The following RAD54L2 variants were observed in gnomAD, a reference collection of about 807,000 sequenced individuals.
The protein encoded by RAD54L2 is helicase ARIP4.
Under a neutral mutation model 138.4 loss-of-function variants are expected in RAD54L2, and 27 were observed. The ratio of observed to expected loss-of-function variants is 0.20; its 90% CI spans 0.14 to 0.27. RAD54L2 has a LOEUF of 0.27. RAD54L2 is among the 10% of genes least tolerant of loss of function. The pLI is 1.00. For missense variants in RAD54L2, 1,396 were observed against 1,890.2 expected (o/e 0.74, Z 4.85); for synonymous variants, 644 against 723.2 (o/e 0.89, Z 1.76).
chr3:51,545,431 C>T (rs556962171), intron 2 of RAD54L2, among the ~76,000 whole-genome samples: 4 of 151,700 alleles, frequency 2.6e-5, no homozygotes, highest in South Asian at 2.1e-4. Context: ...ACCTTGTGAT[C>T]CACCTGCCTC....
At chr3:51,539,018 C>T (rs953145854) in intron 1 of RAD54L2, among the ~76,000 whole-genome samples, 103 bp downstream of exon 1, 1 of 152,154 alleles carries the variant, frequency 6.6e-6, no homozygotes, top group Admixed American at 6.5e-5. Flanking sequence ...CATGCAGTGG[C>T]TCGGGGCAGC....
chr3:51,616,979 A>G (rs1191318994), intron 3 of RAD54L2, among the ~76,000 whole-genome samples: 1 of 152,222 alleles, frequency 6.6e-6, no homozygotes, highest in Non-Finnish European at 1.5e-5. Flanking sequence ...AAATTATACA[A>G]TACATATTCT....
At chr3:51,615,176 G>T (rs1255004827) in intron 3 of RAD54L2, among the ~76,000 whole-genome samples, 2 of 152,012 alleles carry the variant, frequency 1.3e-5, no homozygotes, top group Non-Finnish European at 2.9e-5. Context: ...ACCATGCCTG[G>T]CTAATTTTTT....
At chr3:51,660,996 C>T (rs927979728) in intron 22 of RAD54L2, among the ~76,000 whole-genome samples, 2 of 152,088 alleles carry the variant, frequency 1.3e-5, no homozygotes, top group South Asian at 4.1e-4. Flanking sequence ...TTCTGTCACC[C>T]AGGCTGGAGT....
chr3:51,647,739 C>G (rs1447374661), intron 19 of RAD54L2, among the ~76,000 whole-genome samples: 1 of 152,108 alleles, frequency 6.6e-6, no homozygotes, highest in Non-Finnish European at 1.5e-5. Context: ...TCTTGAACTC[C>G]TGGGCTCAAG....
intron 2 of RAD54L2, among the ~76,000 whole-genome samples, chr3:51,585,813 T>C (rs1699695866): frequency 6.6e-6 from 1 of 152,160 alleles, no homozygotes; most frequent in Non-Finnish European, 1.5e-5. Flanking sequence ...TAGCTAGTTC[T>C]CCAGTTTCAT....
chr3:51,559,643 C>T (rs563435447), intron 2 of RAD54L2, among the ~76,000 whole-genome samples: 5 of 152,276 alleles, frequency 3.3e-5, no homozygotes, highest in South Asian at 4.1e-4. Context: ...CTGGGCTTGG[C>T]GCCAAATTTT....
Position 51,645,067 on chromosome 3 carries a change from G to C in RAD54L2, c.2494G>C (p.Val832Leu), listed in dbSNP as rs1358104360. The C allele has an allele frequency of 6.2e-7, 1 of 1,613,896 alleles. No individual in the cohort carries two copies. The highest frequency in any genetic ancestry group is 2.2e-5 in the East Asian group (1 of 44,890). ...GVNLIGANRVVVFDASWNPCH... is the reference protein window; with the variant it reads ...GVNLIGANRVLVFDASWNPCH... ...GAATCTGATTGGTGCCAACCGAGTG[G>C]TGGTGTTTGATGCTTCCTGGAACCC... Residue 832 changes from valine to leucine, a missense_variant, in exon 17 of 23, where the codon GTG becomes CTG. Val to Leu is a conservative substitution (Grantham distance 32). This residue lies in a region of RAD54L2 where 78 missense variants were observed against 171.6 expected (regional missense o/e 0.45). Coordinates refer to ENST00000684192, the MANE Select transcript of RAD54L2 (RefSeq NM_015106.4). The surrounding 1 kb of genome is among the most constrained non-coding windows in gnomAD (Gnocchi z 6.1).
In RAD54L2 at chr3:51,637,327, C is replaced by T. The variant is rs1701007650; in HGVS notation, c.1506C>T (p.Tyr502=). 2 of 1,613,640 alleles carry T rather than the reference C, an allele frequency of 1.2e-6. No homozygotes were observed. The highest frequency in any genetic ancestry group is 1.3e-5 in the African/African-American group (1 of 75,058). Reference sequence around the variant, plus strand: ...CTCTGCAAAACAACCTCATTGAGTACTGGTGCATGGTGGACTTTGTGCGCC... The same window carrying T: ...CTCTGCAAAACAACCTCATTGAGTATTGGTGCATGGTGGACTTTGTGCGCC... ...GYPLQNNLIE[Y]WCMVDFVRPD... is the part of the protein sequence containing the mutation. The change falls in exon 11 of 23, where the codon TAC becomes TAT. Residue 502 remains tyrosine (Y), a synonymous_variant. Transcript: ENST00000684192. This position sits in a 1 kb window ranked among gnomAD's most constrained non-coding sequence, Gnocchi z 5.9.
intron 19 of RAD54L2, among the ~76,000 whole-genome samples, chr3:51,649,982 C>T (rs974572971): frequency 1.1e-4 from 16 of 152,174 alleles, no homozygotes; most frequent in Non-Finnish European, 8.8e-5. Context: ...TTAAAAGACA[C>T]AGACTGGCAA....
chr3:51,614,429 G>A (rs544826203), intron 3 of RAD54L2, among the ~76,000 whole-genome samples: 4 of 151,884 alleles, frequency 2.6e-5, no homozygotes, highest in Admixed American at 6.6e-5. Context: ...CTCCCAAAGC[G>A]CTGGGATTAC....
Position 51,637,012 on chromosome 3 carries a change from C to T in RAD54L2, c.1340-149C>T. 1 of 671,352 alleles carries T rather than the reference C, an allele frequency of 1.5e-6. No individual in the cohort carries two copies. Among genetic ancestry groups the T allele is most frequent in the Non-Finnish European group, 2.6e-6 (1 of 386,442 alleles). 41.6% of individuals were successfully genotyped at this position (671,352 alleles called of 1,614,324 possible). On this transcript the variant is annotated intron_variant, in intron 10 of 22. Coordinates refer to ENST00000684192, the MANE Select transcript of RAD54L2 (RefSeq NM_015106.4). The surrounding 1 kb of genome is among the most constrained non-coding windows in gnomAD (Gnocchi z 5.9). Reference sequence around the variant, plus strand: ...CAGTCATATCCAGGAGCTTGAATGGCTGGCACCCTCTCACCAAGGGGGGCT... The same window carrying T: ...CAGTCATATCCAGGAGCTTGAATGGTTGGCACCCTCTCACCAAGGGGGGCT...
At chr3:51,627,024 A>T (rs1700708985) in intron 3 of RAD54L2, among the ~76,000 whole-genome samples, 1 of 152,170 alleles carries the variant, frequency 6.6e-6, no homozygotes, top group African/African-American at 2.4e-5. Flanking sequence ...AAAACCTTCT[A>T]AACTTCATGA....
At chr3:51,551,166 T>A (rs775037746) in intron 2 of RAD54L2, among the ~76,000 whole-genome samples, 1 of 152,090 alleles carries the variant, frequency 6.6e-6, no homozygotes, top group Non-Finnish European at 1.5e-5. Context: ...AAGGTCTCAG[T>A]CTGTCACCTA....
intron 3 of RAD54L2, among the ~76,000 whole-genome samples, chr3:51,617,900 C>T (rs1424940046): frequency 6.6e-6 from 1 of 152,102 alleles, no homozygotes; most frequent in Non-Finnish European, 1.5e-5. Flanking sequence ...TAAATACACA[C>T]ACCACATTTT....
At chr3:51,658,134 A>G (rs1375979661) in intron 21 of RAD54L2, among the ~76,000 whole-genome samples, 1 of 150,490 alleles carries the variant, frequency 6.6e-6, no homozygotes, top group Non-Finnish European at 1.5e-5. Flanking sequence ...GGGTTTCATT[A>G]TGTTGGCCAG....
intron 3 of RAD54L2, among the ~76,000 whole-genome samples, chr3:51,606,641 C>A (rs967616566): frequency 6.6e-6 from 1 of 152,048 alleles, no homozygotes; most frequent in African/African-American, 2.4e-5. Flanking sequence ...AATTTTATAT[C>A]ACCCTATGGA....
intron 3 of RAD54L2, among the ~76,000 whole-genome samples, chr3:51,621,803 C>G (rs1179609509): frequency 6.6e-6 from 1 of 152,210 alleles, no homozygotes; most frequent in Non-Finnish European, 1.5e-5. Context: ...CAGCAAAACA[C>G]TAAGTTGAAG....
chr3:51,648,544 G>T (rs551387082), intron 19 of RAD54L2, among the ~76,000 whole-genome samples: 1 of 152,200 alleles, frequency 6.6e-6, no homozygotes, highest in African/African-American at 2.4e-5. Flanking sequence ...ACACTTCCCA[G>T]TAGGGGCCGA....
Sources: gnomAD v4.1 joint callset for allele counts (sites outside exome capture counted in the v4.1 genomes callset) on GRCh38, gnomAD v4.1.1 for gene constraint, gnomAD v4.1.1 regional missense constraint, Gnocchi (gnomAD v3.1) non-coding constraint, MANE v1.5 for transcripts, NCBI Gene and HGNC (gene_info 2026-07-23, HGNC 2026-07-21) for gene names.